ST8SIA6: variants seen among roughly 807,000 people sequenced by gnomAD.
The protein encoded by ST8SIA6 is alpha-2,8-sialyltransferase 8F.
A neutral mutation model predicts 33.6 loss-of-function variants in ST8SIA6; 39 were observed. The ratio of observed to expected loss-of-function variants is 1.16; its 90% CI spans 0.90 to 1.52. The LOEUF (loss-of-function observed/expected upper bound fraction) is 1.52, where lower values mean the gene tolerates loss of function less well. Among genes scored for constraint, ST8SIA6 ranks in the 40% most tolerant of loss-of-function variants. ST8SIA6 has a pLI of 0.00. For synonymous variants in ST8SIA6, 172 were observed against 167.2 expected (o/e 1.03, Z -0.22); for missense variants, 441 against 443.8 (o/e 0.99, Z 0.06).
At chr10:17,378,072 GT>G (rs1297691624) in intron 3 of ST8SIA6, among the ~76,000 whole-genome samples, 2 of 152,146 alleles carry the variant, frequency 1.3e-5, no homozygotes, top group Non-Finnish European at 2.9e-5. Context: ...AAAATTGCGT[GT>G]GTTTAATGGA....
chr10:17,394,775 A>T (rs1850745369), intron 2 of ST8SIA6, among the ~76,000 whole-genome samples: 1 of 152,202 alleles, frequency 6.6e-6, no homozygotes, highest in East Asian at 1.9e-4. Flanking sequence ...ACCACAAGTG[A>T]AGACGTTGGG....
Position 17,333,672 on chromosome 10 carries a change from GATATATATATATATATAT to G in ST8SIA6, c.378-2138_378-2121del, listed in dbSNP as rs1165578414. 8.3e-3 allele frequency among the ~76,000 whole-genome samples: 291 copies of G among 35,190 alleles called. 2 individuals are homozygous for G. The highest frequency in any genetic ancestry group is 0.011 in the South Asian group (6 of 528). The allele number at this position is 35,190 out of a possible 152,430, so 23.1% of individuals were successfully genotyped here. A position where few individuals can be genotyped will look rare whatever the true frequency, so the allele number is the denominator to read the frequency against. ...TTCCCTACTTAATAAATGGTGCTGG[GATATATATATATATATAT>G]ATATATATATATATATATATATATA... On this transcript the variant is annotated intron_variant, in intron 4 of 7. Coordinates refer to ENST00000377602, the MANE Select transcript of ST8SIA6 (RefSeq NM_001004470.3).
intron 3 of ST8SIA6, among the ~76,000 whole-genome samples, chr10:17,378,178 A>G (rs1849982377): frequency 6.6e-6 from 1 of 152,222 alleles, no homozygotes; most frequent in Admixed American, 6.5e-5. Flanking sequence ...GGGTATGGGC[A>G]CCCGGCATTC....
chr10:17,334,007 C>G (rs1275424183), intron 4 of ST8SIA6, among the ~76,000 whole-genome samples: 4 of 149,134 alleles, frequency 2.7e-5, no homozygotes, highest in African/African-American at 9.8e-5. Context: ...AGGCGTGAGC[C>G]ACTGCACCTG....
rs1008771020 is a variant in ST8SIA6, at chr10:17,320,075, G to T, written c.*803C>A. ...CTGGTGCAGGGCCTGGCATGAAGTA[G>T]TTATTCAGTAATTTTAAAATAAAAT... On this transcript the variant is annotated 3_prime_UTR_variant, in exon 8 of 8. Transcript: ENST00000377602. The T allele has an allele frequency of 6.6e-6, 1 of 152,158 alleles. No individual in the cohort carries two copies. Among genetic ancestry groups the T allele is most frequent in the Non-Finnish European group, 1.5e-5 (1 of 68,024 alleles). 9.4% of individuals were successfully genotyped at this position (152,158 alleles called of 1,614,324 possible).
chr10:17,379,696 T>C (rs1850061990), intron 3 of ST8SIA6, among the ~76,000 whole-genome samples: 1 of 152,138 alleles, frequency 6.6e-6, no homozygotes, highest in Admixed American at 6.5e-5. Context: ...CCAGACCGAA[T>C]CAATGTACTT....
intron 2 of ST8SIA6, among the ~76,000 whole-genome samples, chr10:17,443,399 A>C (rs1413132993): frequency 1.3e-5 from 2 of 152,248 alleles, no homozygotes; most frequent in African/African-American, 4.8e-5. Context: ...AATCATTTGC[A>C]AAATTAATGG....
At chr10:17,356,464 A>G (rs1849193679) in intron 4 of ST8SIA6, among the ~76,000 whole-genome samples, 1 of 151,744 alleles carries the variant, frequency 6.6e-6, no homozygotes, top group South Asian at 2.1e-4. Context: ...GATCACTGCA[A>G]CCTCTGCCTC....
intron 4 of ST8SIA6, among the ~76,000 whole-genome samples, chr10:17,342,823 C>T (rs964699986): frequency 6.6e-6 from 1 of 152,024 alleles, no homozygotes; most frequent in African/African-American, 2.4e-5. Context: ...GTGGTGGGTG[C>T]CTGTAGTCCC....
At chr10:17,395,018 A>G (rs1324055186) in intron 2 of ST8SIA6, among the ~76,000 whole-genome samples, 1 of 152,178 alleles carries the variant, frequency 6.6e-6, no homozygotes, top group Admixed American at 6.5e-5. Flanking sequence ...CTTGAATTAT[A>G]GCTTTCACAA....
intron 2 of ST8SIA6, among the ~76,000 whole-genome samples, chr10:17,406,231 C>A (rs1851252576): frequency 6.6e-6 from 1 of 152,098 alleles, no homozygotes; most frequent in African/African-American, 2.4e-5. Flanking sequence ...GGTCTTCTAC[C>A]CTCCCCCTAT....
Position 17,317,872 on chromosome 10 carries a change from T to C in ST8SIA6, c.*3006A>G, listed in dbSNP as rs549538943. 6.6e-6 allele frequency among the ~76,000 whole-genome samples: 1 copy of C among 152,182 alleles called. No homozygotes were observed. Among genetic ancestry groups the C allele is most frequent in the Non-Finnish European group, 1.5e-5 (1 of 68,026 alleles). On this transcript the variant is annotated 3_prime_UTR_variant, in exon 8 of 8. Coordinates refer to ENST00000377602, the MANE Select transcript of ST8SIA6 (RefSeq NM_001004470.3). ...CTTACATGAAGAAGGAAATATCCTT[T>C]AGTGAAAGCCATGATCTATTTGTCA...
chr10:17,332,997 G>T (rs976763657), intron 4 of ST8SIA6, among the ~76,000 whole-genome samples: 1 of 152,042 alleles, frequency 6.6e-6, no homozygotes, highest in Non-Finnish European at 1.5e-5. Flanking sequence ...ATCCCATTCT[G>T]TAGGTTGCCT....
intron 4 of ST8SIA6, among the ~76,000 whole-genome samples, chr10:17,332,303 A>G (rs558788087): frequency 1.3e-5 from 2 of 152,294 alleles, no homozygotes; most frequent in East Asian, 1.9e-4. Context: ...TTTTGCCTAT[A>G]TACCCAGTAA....
At chr10:17,435,442 C>T (rs1852220329) in intron 2 of ST8SIA6, among the ~76,000 whole-genome samples, 4 of 152,178 alleles carry the variant, frequency 2.6e-5, no homozygotes, top group Admixed American at 2.6e-4. Context: ...GGACAAGTTA[C>T]TGACCTCTCT....
At chr10:17,412,950 A>G (rs1225617201) in intron 2 of ST8SIA6, among the ~76,000 whole-genome samples, 1 of 152,206 alleles carries the variant, frequency 6.6e-6, no homozygotes, top group Non-Finnish European at 1.5e-5. Flanking sequence ...GTACTCCAAA[A>G]CTATGTACAT....
intron 7 of ST8SIA6, among the ~76,000 whole-genome samples, chr10:17,322,563 T>G (rs1847994135): frequency 6.6e-6 from 1 of 152,140 alleles, no homozygotes; most frequent in Admixed American, 6.6e-5. Flanking sequence ...AACAATGGAG[T>G]AAAAACTTTG....
chr10:17,336,653 G>T (rs1164108547), intron 4 of ST8SIA6, among the ~76,000 whole-genome samples: 1 of 149,442 alleles, frequency 6.7e-6, no homozygotes, highest in African/African-American at 2.5e-5. Flanking sequence ...AAGTGCAGTG[G>T]CCCGATCTCA....
chr10:17,438,952 T>C (rs1852375390), intron 2 of ST8SIA6, among the ~76,000 whole-genome samples: 1 of 152,196 alleles, frequency 6.6e-6, no homozygotes, highest in Admixed American at 6.5e-5. Context: ...GAGTTAACAA[T>C]TCTTTTTCAA....
Sources: gnomAD v4.1 joint callset for allele counts (sites outside exome capture counted in the v4.1 genomes callset) on GRCh38, gnomAD v4.1.1 for gene constraint, MANE v1.5 for transcripts, NCBI Gene and HGNC (gene_info 2026-07-23, HGNC 2026-07-21) for gene names.